SLC4A4: variants seen among roughly 807,000 people sequenced by gnomAD.
SLC4A4 encodes solute carrier family 4 member 4, also known as electrogenic sodium bicarbonate cotransporter 1.
In SLC4A4, 27 loss-of-function variants were observed where a neutral mutation model predicts 111.5. That is an observed-to-expected ratio of 0.24 (90% confidence interval 0.18 to 0.33). SLC4A4 has a LOEUF of 0.33. SLC4A4 is among the 10% of genes least tolerant of loss of function. The probability of loss-of-function intolerance (pLI) is 1.00; values close to 1 mark genes in which losing one functional copy is unlikely to be tolerated. For missense variants in SLC4A4, 909 were observed against 1,315.5 expected (o/e 0.69, Z 4.78); for synonymous variants, 443 against 463.4 (o/e 0.96, Z 0.57).
At chr4:71,378,244 A>G (rs967670847) in intron 6 of SLC4A4, among the ~76,000 whole-genome samples, 3 of 152,226 alleles carry the variant, frequency 2.0e-5, no homozygotes, top group Non-Finnish European at 2.9e-5. Flanking sequence ...ATTCAGAAAT[A>G]TTTGGTGGGC....
intron 3 of SLC4A4, among the ~76,000 whole-genome samples, chr4:71,335,558 G>T (rs62302789): frequency 0.07 from 10,587 of 152,250 alleles, 542 homozygotes; most frequent in Non-Finnish European, 0.1. Flanking sequence ...AGGTGCAGTG[G>T]CTCATGCCTG....
chr4:71,381,948 C>T (rs568503993), intron 6 of SLC4A4, among the ~76,000 whole-genome samples: 8 of 152,146 alleles, frequency 5.3e-5, no homozygotes, highest in South Asian at 4.2e-4. Context: ...AGAATGAGAA[C>T]GTAGAGACCG....
chr4:71,282,877 A>T (rs999393814), intron 3 of SLC4A4, among the ~76,000 whole-genome samples: 1 of 152,074 alleles, frequency 6.6e-6, no homozygotes, highest in African/African-American at 2.4e-5. Context: ...ATGCTTGCTC[A>T]GATTTTTTAA....
Position 71,393,495 on chromosome 4 carries a change from C to A in SLC4A4, c.731-4082C>A, listed in dbSNP as rs1237675746. Among the ~76,000 whole-genome samples the A allele has an allele frequency of 5.3e-5, 8 of 152,126 alleles. No homozygotes were observed. The East Asian group carries it at 1.3e-3, about 26-fold the overall frequency. ...CATCAACAAGGCAAACTATAAAACA[C>A]TGCTGAAAGAAATCATAGATGACAC... is the stretch of plus-strand genomic sequence containing the variant. On this transcript the variant is annotated intron_variant, in intron 6 of 25. Coordinates refer to ENST00000264485, the MANE Select transcript of SLC4A4 (RefSeq NM_001098484.3).
At chr4:71,321,824 G>T (rs1224080010) in intron 3 of SLC4A4, among the ~76,000 whole-genome samples, 1 of 151,976 alleles carries the variant, frequency 6.6e-6, no homozygotes, top group Non-Finnish European at 1.5e-5. Context: ...AATTTCCACT[G>T]AGTTTTGGAT....
At chr4:71,440,374 A>G (rs1198359066) in intron 7 of SLC4A4, among the ~76,000 whole-genome samples, 1 of 152,208 alleles carries the variant, frequency 6.6e-6, no homozygotes. Context: ...TTATATGTAA[A>G]CCATGTGATT....
intron 2 of SLC4A4, among the ~76,000 whole-genome samples, chr4:71,155,646 T>TA (rs1352715839): frequency 6.6e-6 from 1 of 152,078 alleles, no homozygotes; most frequent in East Asian, 1.9e-4. Context: ...TTTGTTTTTT[T>TA]AGAGATGGGG....
chr4:71,288,508 C>G (rs1360948305), intron 3 of SLC4A4, among the ~76,000 whole-genome samples: 6 of 152,006 alleles, frequency 3.9e-5, no homozygotes, highest in Non-Finnish European at 7.4e-5. Flanking sequence ...AAACGATTCT[C>G]CTGCCTCAGC....
chr4:71,088,181 A>G (rs1413112915), intron 1 of SLC4A4, among the ~76,000 whole-genome samples: 2 of 150,574 alleles, frequency 1.3e-5, no homozygotes, highest in African/African-American at 2.5e-5. Flanking sequence ...GTCTCTTTTG[A>G]TCTTTGATGG....
chr4:71,250,949 C>A (rs1199933118), intron 2 of SLC4A4, among the ~76,000 whole-genome samples: 1 of 152,120 alleles, frequency 6.6e-6, no homozygotes, highest in Non-Finnish European at 1.5e-5. Flanking sequence ...GGGATAGGAG[C>A]AGGATTGCAT....
Position 71,258,568 on chromosome 4 carries a change from C to T in SLC4A4, c.253+3169C>T, listed in dbSNP as rs141398767. Among the ~76,000 whole-genome samples, 163 of 152,222 alleles carry T rather than the reference C, an allele frequency of 1.1e-3. 1 individual carries two copies. The highest frequency in any genetic ancestry group is 3.8e-3 in the African/African-American group (158 of 41,544). On this transcript the variant is annotated intron_variant, in intron 3 of 25. Coordinates refer to ENST00000264485, the MANE Select transcript of SLC4A4 (RefSeq NM_001098484.3). ...CCTGGCACATAGTGTGTTTTTCATA[C>T]GTGTTTATTGAGGAGTAACTGAATG...
At chr4:71,461,112 T>C (rs1270141447) in intron 12 of SLC4A4, among the ~76,000 whole-genome samples, 1 of 152,132 alleles carries the variant, frequency 6.6e-6, no homozygotes, top group Non-Finnish European at 1.5e-5. Context: ...TTAATTTTAT[T>C]ATTTATTATT....
intron 3 of SLC4A4, among the ~76,000 whole-genome samples, chr4:71,330,319 T>C (rs957593416): frequency 6.6e-6 from 1 of 152,170 alleles, no homozygotes; most frequent in African/African-American, 2.4e-5. Context: ...ATAAGTCTCA[T>C]AGAATGAGTT....
At chr4:71,114,826 C>T (rs1262203439) in intron 2 of SLC4A4, among the ~76,000 whole-genome samples, 1 of 106,958 alleles carries the variant, frequency 9.3e-6, no homozygotes, top group Non-Finnish European at 1.9e-5. Context: ...CCCAGCCATC[C>T]CATTACTGGG....
chr4:71,166,583 T>C (rs1401743739), intron 2 of SLC4A4, among the ~76,000 whole-genome samples: 2 of 152,222 alleles, frequency 1.3e-5, no homozygotes, highest in African/African-American at 4.8e-5. Flanking sequence ...AACTTAGAGG[T>C]ATCTGCAGGA....
intron 7 of SLC4A4, among the ~76,000 whole-genome samples, chr4:71,398,284 CAA>C (rs34473877): frequency 4.6e-4 from 36 of 78,390 alleles, no homozygotes; most frequent in Admixed American, 4.7e-4. Flanking sequence ...GACTTTGTCT[CAA>C]AAAAAAAAAA....
chr4:71,280,799 A>G (rs923453831), intron 3 of SLC4A4, among the ~76,000 whole-genome samples: 2 of 152,118 alleles, frequency 1.3e-5, no homozygotes, highest in Non-Finnish European at 2.9e-5. Context: ...TTAGTTTTAC[A>G]TTTAACTCTA....
At chr4:71,178,942 G>A in intron 2 of SLC4A4, among the ~76,000 whole-genome samples, 1 of 152,168 alleles carries the variant, frequency 6.6e-6, no homozygotes, top group Non-Finnish European at 1.5e-5. Context: ...GAACATCGAT[G>A]CAAAAATCCT....
At chr4:71,260,526 AT>A (rs1218149828) in intron 3 of SLC4A4, among the ~76,000 whole-genome samples, 1 of 152,220 alleles carries the variant, frequency 6.6e-6, no homozygotes, top group Non-Finnish European at 1.5e-5. Flanking sequence ...AAACTATACC[AT>A]CTCTTTCATC....
Sources: allele counts gnomAD v4.1 joint callset (sites outside exome capture counted in the v4.1 genomes callset), GRCh38; gene constraint gnomAD v4.1.1; transcripts MANE v1.5; gene names NCBI Gene and HGNC (gene_info 2026-07-23, HGNC 2026-07-21).